CADPS: variants seen among roughly 807,000 people sequenced by gnomAD.
CADPS encodes calcium dependent secretion activator, also known as calcium-dependent secretion activator 1.
Under a neutral mutation model 167.3 loss-of-function variants are expected in CADPS, and 57 were observed. That is an observed-to-expected ratio of 0.34 (90% CI 0.28 to 0.42). CADPS has a LOEUF of 0.42. Ranked by LOEUF, CADPS falls within the 20% of genes least tolerant of loss-of-function variation. The pLI, the probability that CADPS is intolerant of heterozygous loss-of-function variation, is 1.00. For missense variants in CADPS, 1,414 were observed against 1,738.1 expected, an observed-to-expected ratio of 0.81 and a Z score of 3.32; for synonymous variants, 676 against 635.3, an observed-to-expected ratio of 1.06 and a Z score of -0.96.
intron 3 of CADPS, among the ~76,000 whole-genome samples, chr3:62,712,134 T>C (rs2083515291): frequency 6.6e-6 from 1 of 152,214 alleles, no homozygotes; most frequent in Admixed American, 6.5e-5. Context: ...TTGTTTTAAA[T>C]TTTTTTGCTA....
Position 62,478,886 on chromosome 3 carries a change from T to C in CADPS, c.3174-470A>G, listed in dbSNP as rs933037850. On this transcript the variant is annotated intron_variant, in intron 22 of 29. Transcript: ENST00000383710. The surrounding 1 kb of genome is among the most constrained non-coding windows in gnomAD (Gnocchi z 5.7). The stretch of plus-strand genomic sequence containing the variant: ...GGAGATTGCACAAGACTTTTCGTTT[T>C]CAAAGGACAGTGCTAACAAAGTGGT... Among the ~76,000 whole-genome samples the C allele has an allele frequency of 1.3e-5, 2 of 152,202 alleles. No individual in the cohort carries two copies. Among genetic ancestry groups the C allele is most frequent in the Non-Finnish European group, 2.9e-5 (2 of 68,026 alleles).
At chr3:62,555,032 C>T (rs1435508237) in intron 10 of CADPS, among the ~76,000 whole-genome samples, 6 of 152,134 alleles carry the variant, frequency 3.9e-5, no homozygotes, top group Non-Finnish European at 7.3e-5. Flanking sequence ...GGATTACAGG[C>T]GTGAGGCACC....
chr3:62,872,607 A>G (rs528666076), intron 1 of CADPS, among the ~76,000 whole-genome samples: 1 of 152,266 alleles, frequency 6.6e-6, no homozygotes, highest in South Asian at 2.1e-4. Flanking sequence ...ATGCCCCTCA[A>G]AACCACAGCT....
chr3:62,587,915 G>A (rs894521609), intron 7 of CADPS, among the ~76,000 whole-genome samples: 8 of 152,184 alleles, frequency 5.3e-5, no homozygotes, highest in Non-Finnish European at 1.0e-4. Context: ...GCTGAATTAT[G>A]AGGGTCCTTC....
At chr3:62,419,155 C>A (rs2050791419) in intron 28 of CADPS, among the ~76,000 whole-genome samples, 1 of 152,172 alleles carries the variant, frequency 6.6e-6, no homozygotes, top group African/African-American at 2.4e-5. Flanking sequence ...CTGAATTTCT[C>A]AGTTCCGACC....
rs747990072 is a variant in CADPS at position 62,412,823 on chromosome 3, A to C, written c.3778-9638T>G. Among the ~76,000 whole-genome samples the C allele has an allele frequency of 5.9e-5, 9 of 152,200 alleles. No individual in the cohort carries two copies. The highest frequency in any genetic ancestry group is 1.2e-4 in the Non-Finnish European group (8 of 68,048). On this transcript the variant is annotated intron_variant, in intron 28 of 29. Transcript: ENST00000383710. This position sits in a 1 kb window ranked among gnomAD's most constrained non-coding sequence, Gnocchi z 4.1. Reference sequence around the variant, plus strand: ...ATCCAAAGCTTAGCTTATATGAACTATCTAGGGGTCTCTCTCTGGAAGACA... The same window carrying C: ...ATCCAAAGCTTAGCTTATATGAACTCTCTAGGGGTCTCTCTCTGGAAGACA...
intron 6 of CADPS, among the ~76,000 whole-genome samples, chr3:62,614,836 C>T (rs577008060): frequency 6.6e-6 from 1 of 152,166 alleles, no homozygotes; most frequent in African/African-American, 2.4e-5. Context: ...CACTAACTAG[C>T]TATGTGATCT....
At chr3:62,541,995 T>C (rs778243617) in intron 11 of CADPS, among the ~76,000 whole-genome samples, 1 of 152,200 alleles carries the variant, frequency 6.6e-6, no homozygotes, top group Non-Finnish European at 1.5e-5. Context: ...CCTATTATAC[T>C]AACAGCTTAG....
At chr3:62,790,833 G>T (rs2092868321) in intron 1 of CADPS, among the ~76,000 whole-genome samples, 1 of 152,082 alleles carries the variant, frequency 6.6e-6, no homozygotes, top group Admixed American at 6.6e-5. Flanking sequence ...GATTCAAAGG[G>T]ACCAGAGAGT....
chr3:62,815,080 T>C (rs1415026063), intron 1 of CADPS, among the ~76,000 whole-genome samples: 1 of 152,168 alleles, frequency 6.6e-6, no homozygotes, highest in African/African-American at 2.4e-5. Flanking sequence ...AACTTCTTAG[T>C]ATTCTGAGAG....
chr3:62,689,331 C>A (rs191675853), intron 3 of CADPS, among the ~76,000 whole-genome samples: 4 of 152,070 alleles, frequency 2.6e-5, no homozygotes, highest in Admixed American at 1.3e-4. Context: ...TCTAAAGAGA[C>A]CATACACAAT....
At chr3:62,513,630 G>A (rs1192535105) in intron 16 of CADPS, 3 of 1,538,506 alleles carry the variant, frequency 1.9e-6, no homozygotes, top group Admixed American at 3.4e-5. Context: ...GAGGTGGTAG[G>A]TACTCACGAA....
chr3:62,603,399 T>G lies in CADPS; in HGVS notation c.1326-10651A>C, dbSNP rs1399192995. Among the ~76,000 whole-genome samples the G allele has an allele frequency of 4.6e-5, 7 of 152,246 alleles. No individual in the cohort carries two copies. In the South Asian group the frequency reaches 1.2e-3, roughly 27 times the overall value. ...ACAGAGACCAAGTCCATCTTACTTA[T>G]TGTTATATTCCAGTTGTTTAGCTCA... On this transcript the variant is annotated intron_variant, in intron 6 of 29. Coordinates refer to ENST00000383710, the MANE Select transcript of CADPS (RefSeq NM_003716.4).
chr3:62,794,281 ATAAT>A (rs1405377381), intron 1 of CADPS, among the ~76,000 whole-genome samples: 1 of 152,184 alleles, frequency 6.6e-6, no homozygotes, highest in Non-Finnish European at 1.5e-5. Context: ...ATTTGTTATA[ATAAT>A]TAAGTAAGTA....
intron 10 of CADPS, among the ~76,000 whole-genome samples, chr3:62,556,206 C>T (rs2078122164): frequency 6.6e-6 from 1 of 152,196 alleles, no homozygotes; most frequent in African/African-American, 2.4e-5. Flanking sequence ...TTGTTTGTTT[C>T]AAACTCGTTG....
At position 62,601,599 on chromosome 3, in the gene CADPS, T is replaced by C. The variant is rs1163600421; in HGVS notation, c.1326-8851A>G. Among the ~76,000 whole-genome samples, 1 of 152,204 alleles carries C rather than the reference T, an allele frequency of 6.6e-6. No homozygotes were observed. Among genetic ancestry groups the C allele is most frequent in the Non-Finnish European group, 1.5e-5 (1 of 68,040 alleles). On this transcript the variant is annotated intron_variant, in intron 6 of 29. Coordinates refer to ENST00000383710, the MANE Select transcript of CADPS (RefSeq NM_003716.4). This position sits in a 1 kb window ranked among gnomAD's most constrained non-coding sequence, Gnocchi z 4.3. ...TTCTTCATGGAGCTCTTTCTAGCAC[T>C]CTTAGTTTATTAGAAAATTGGGGCT... is the stretch of plus-strand genomic sequence containing the variant.
chr3:62,451,592 C>A (rs1323985997), intron 26 of CADPS, among the ~76,000 whole-genome samples: 3 of 151,832 alleles, frequency 2.0e-5, no homozygotes, highest in Non-Finnish European at 4.4e-5. Flanking sequence ...TGCCCGAGCG[C>A]CCCATGATCT....
intron 8 of CADPS, among the ~76,000 whole-genome samples, chr3:62,572,113 T>C (rs2081399171): frequency 6.6e-6 from 1 of 152,206 alleles, no homozygotes; most frequent in African/African-American, 2.4e-5. Flanking sequence ...TCAGACAGAA[T>C]TTCTGCTTTG....
At chr3:62,734,591 A>G (rs2078610723) in intron 3 of CADPS, among the ~76,000 whole-genome samples, 1 of 152,174 alleles carries the variant, frequency 6.6e-6, no homozygotes, top group Non-Finnish European at 1.5e-5. Context: ...TTTACTCTCA[A>G]TACAATGTCT....
Sources: gnomAD v4.1 joint callset for allele counts (sites outside exome capture counted in the v4.1 genomes callset) on GRCh38, gnomAD v4.1.1 for gene constraint, Gnocchi (gnomAD v3.1) non-coding constraint, MANE v1.5 for transcripts, NCBI Gene and HGNC (gene_info 2026-07-23, HGNC 2026-07-21) for gene names.